Variants in SEMA3D observed in about 807,000 individuals in gnomAD.
SEMA3D encodes semaphorin 3D, also known as semaphorin-3D.
SEMA3D carries 84 observed loss-of-function variants against 100.1 expected under a neutral mutation model. That is an observed-to-expected ratio of 0.84 (90% CI 0.70 to 1.01). The LOEUF is 1.01. Among genes scored for constraint, SEMA3D ranks in the 50% least tolerant of loss-of-function variants. The pLI is 0.00. For synonymous variants in SEMA3D, 312 were observed against 320.7 expected (o/e 0.97, Z 0.29); for missense variants, 875 against 934.1 (o/e 0.94, Z 0.82).
chr7:85,147,501 A>C (rs1790250700), intron 2 of SEMA3D, among the ~76,000 whole-genome samples: 1 of 152,016 alleles, frequency 6.6e-6, no homozygotes, highest in Non-Finnish European at 1.5e-5. Context: ...AAATATATCT[A>C]TCTGTAGATG....
At chr7:85,015,315 C>T (rs754960600) in intron 15 of SEMA3D, 99 bp from the exon 16 acceptor site, 2 of 1,130,396 alleles carry the variant, frequency 1.8e-6, no homozygotes. Context: ...AAATCTGTTT[C>T]TCTGGGTGTC....
chr7:85,187,697 G>A (rs1199531168), upstream of SEMA3D, among the ~76,000 whole-genome samples: 1 of 152,150 alleles, frequency 6.6e-6, no homozygotes, highest in Non-Finnish European at 1.5e-5. Flanking sequence ...ATATAATGAC[G>A]AGAAGATCTA....
intron 4 of SEMA3D, among the ~76,000 whole-genome samples, chr7:85,089,472 ACT>A (rs1788316448): frequency 6.6e-6 from 1 of 151,912 alleles, no homozygotes; most frequent in Non-Finnish European, 1.5e-5. Context: ...TTCTCCATTA[ACT>A]CTCTATTCCC....
upstream of SEMA3D, among the ~76,000 whole-genome samples, chr7:85,187,561 T>C (rs372089103): frequency 6.6e-6 from 1 of 152,002 alleles, no homozygotes; most frequent in African/African-American, 2.4e-5. Context: ...TAAAAACGAG[T>C]AGAATGTAAT....
intron 14 of SEMA3D, among the ~76,000 whole-genome samples, chr7:85,019,516 T>G (rs1259776675): frequency 1.3e-5 from 2 of 151,734 alleles, no homozygotes; most frequent in Non-Finnish European, 3.0e-5. Context: ...AAAGCATTAT[T>G]TACATGGAAA....
the SEMA3D span, among the ~76,000 whole-genome samples, chr7:85,197,989 A>G: frequency 6.6e-6 from 1 of 152,202 alleles, no homozygotes; most frequent in Non-Finnish European, 1.5e-5. Flanking sequence ...GAAAATTAGT[A>G]GTCCTTAAAA....
In SEMA3D at chr7:85,028,367, A is replaced by G. The variant is rs60161761; in HGVS notation, c.1192-5754T>C. 4,259 of 459,816 alleles carry G rather than the reference A, an allele frequency of 9.3e-3. 184 individuals are homozygous for G. The African/African-American group carries it at 0.099, about 11-fold the overall frequency. 28.5% of individuals were successfully genotyped at this position (459,816 alleles called of 1,614,324 possible). ...TATCAATGTGCCAATTGTCGCTGCT[A>G]TTGCTTACAGTTTAGACAAAAAAAA... is the stretch of plus-strand genomic sequence containing the variant. On this transcript the variant is annotated intron_variant, in intron 12 of 18. Transcript: ENST00000284136.
At chr7:85,214,351 TA>T in the SEMA3D span, among the ~76,000 whole-genome samples, 1 of 152,290 alleles carries the variant, frequency 6.6e-6, no homozygotes, top group South Asian at 2.1e-4. Flanking sequence ...ACTATATTAC[TA>T]ATTGTACCTA....
At chr7:85,146,568 T>G (rs973869964) in intron 2 of SEMA3D, among the ~76,000 whole-genome samples, 7 of 151,296 alleles carry the variant, frequency 4.6e-5, no homozygotes, top group African/African-American at 1.7e-4. Flanking sequence ...AAAATATATA[T>G]ATATATTTTT....
intron 14 of SEMA3D, among the ~76,000 whole-genome samples, chr7:85,019,954 C>A (rs1338090884): frequency 6.6e-6 from 1 of 151,578 alleles, no homozygotes; most frequent in African/African-American, 2.4e-5. Context: ...CCCAGGCTTT[C>A]ATTTAATGTG....
chr7:85,012,709 A>G (rs1047805049), intron 17 of SEMA3D, 73 bp downstream of exon 17: 3 of 1,135,622 alleles, frequency 2.6e-6, no homozygotes, highest in Admixed American at 3.5e-5. Context: ...GGTTTAAGTC[A>G]TATAATAAAA....
intron 13 of SEMA3D, 74 bp downstream of exon 13, chr7:85,022,317 T>A: frequency 1.0e-6 from 1 of 959,944 alleles, no homozygotes; most frequent in South Asian, 1.4e-5. Flanking sequence ...AATAAATATT[T>A]TTGAAGTTGT....
chr7:85,039,155 G>A (rs1790783745), intron 11 of SEMA3D, among the ~76,000 whole-genome samples: 1 of 152,150 alleles, frequency 6.6e-6, no homozygotes, highest in Admixed American at 6.6e-5. Flanking sequence ...ACAGGGAACA[G>A]GAGAAAGGGT....
At chr7:85,135,656 AAAAT>A (rs201274421) in intron 2 of SEMA3D, among the ~76,000 whole-genome samples, 158 of 147,564 alleles carry the variant, frequency 1.1e-3, no homozygotes, top group Admixed American at 2.1e-3. Flanking sequence ...TAAGTATAAT[AAAAT>A]AAATAAATAA....
the SEMA3D span, among the ~76,000 whole-genome samples, chr7:85,201,630 T>C: frequency 4.7e-3 from 712 of 152,328 alleles, 7 homozygotes; most frequent in African/African-American, 0.017. Context: ...TGGGAGTTTT[T>C]AGAGGCTGTG....
At chr7:85,041,291 C>T (rs1434725182) in intron 10 of SEMA3D, 1 of 152,044 alleles carries the variant, frequency 6.6e-6, no homozygotes, top group Non-Finnish European at 1.5e-5. Context: ...AAACTCCTGA[C>T]CTCAAGTGGT....
chr7:85,168,251 T>A (rs1016713183), intron 1 of SEMA3D, among the ~76,000 whole-genome samples: 2 of 151,842 alleles, frequency 1.3e-5, no homozygotes, highest in African/African-American at 4.8e-5. Flanking sequence ...GAGGATGCAG[T>A]CAGACAGTAG....
At chr7:85,001,097 C>T (rs1789642876) in intron 18 of SEMA3D, among the ~76,000 whole-genome samples, 1 of 152,146 alleles carries the variant, frequency 6.6e-6, no homozygotes, top group Non-Finnish European at 1.5e-5. Context: ...GGAAAAGAAA[C>T]ATCTCTGGCT....
chr7:85,242,424 G>A, the SEMA3D span, among the ~76,000 whole-genome samples: 1 of 151,540 alleles, frequency 6.6e-6, no homozygotes, highest in Non-Finnish European at 1.5e-5. Context: ...ATTTTTTATT[G>A]ACCTATATGC....
Sources: gnomAD v4.1 joint callset for allele counts (sites outside exome capture counted in the v4.1 genomes callset) on GRCh38, gnomAD v4.1.1 for gene constraint, MANE v1.5 for transcripts, NCBI Gene and HGNC (gene_info 2026-07-23, HGNC 2026-07-21) for gene names.